SEMA6D: variants seen among roughly 807,000 people sequenced by gnomAD.
SEMA6D encodes semaphorin-6D.
SEMA6D carries 35 observed loss-of-function variants against 106.6 expected under a neutral mutation model. The observed-to-expected ratio is 0.33, with a 90% CI of 0.25 to 0.44. SEMA6D has a LOEUF of 0.44. Ranked by LOEUF, SEMA6D falls within the 20% of genes least tolerant of loss-of-function variation. SEMA6D has a pLI of 1.00. For synonymous variants in SEMA6D, 499 were observed against 487.7 expected, an observed-to-expected ratio of 1.02 and a Z score of -0.31; for missense variants, 1,185 against 1,345.9, an observed-to-expected ratio of 0.88 and a Z score of 1.87.
rs2037268478 is a variant in SEMA6D, at chr15:47,329,716, TA to T, written c.-238-82672del. Among the ~76,000 whole-genome samples, 3 of 152,292 alleles carry T rather than the reference TA, an allele frequency of 2.0e-5. No individual in the cohort carries two copies. In the South Asian group the frequency reaches 6.2e-4, roughly 32 times the overall value. On this transcript the variant is annotated intron_variant, in intron 1 of 19. Coordinates refer to the SEMA6D transcript ENST00000558014. ...CCTCAGATTCCAGTTGGGTGGATGC[TA>T]AAAATGTTGTTTCTTAGCCTCTACC... is the stretch of plus-strand genomic sequence containing the variant.
At chr15:47,671,477 A>G (rs1780563692) in intron 4 of SEMA6D, among the ~76,000 whole-genome samples, 1 of 152,192 alleles carries the variant, frequency 6.6e-6, no homozygotes, top group East Asian at 1.9e-4. Flanking sequence ...TTGTTAGACA[A>G]ACATCAGACA....
intron 1 of SEMA6D, among the ~76,000 whole-genome samples, chr15:47,307,774 T>C (rs539636150): frequency 9.8e-5 from 15 of 152,338 alleles, no homozygotes; most frequent in African/African-American, 3.6e-4. Context: ...TGTCTTTTAG[T>C]TTCCTTGCAA....
At chr15:47,736,655 C>CT (rs1294036167) in intron 1 of SEMA6D, among the ~76,000 whole-genome samples, 1 of 152,178 alleles carries the variant, frequency 6.6e-6, no homozygotes, top group East Asian at 1.9e-4. Flanking sequence ...ACACACAGGA[C>CT]TTTAAGCAGG....
chr15:47,639,867 T>G (rs560388638), intron 4 of SEMA6D, among the ~76,000 whole-genome samples: 1 of 152,310 alleles, frequency 6.6e-6, no homozygotes, highest in South Asian at 2.1e-4. Flanking sequence ...TGAGAAACTG[T>G]CACAGCCAAC....
intron 3 of SEMA6D, among the ~76,000 whole-genome samples, chr15:47,540,865 GAGAGTAC>G (rs1291903404): frequency 6.6e-6 from 1 of 152,110 alleles, no homozygotes; most frequent in Non-Finnish European, 1.5e-5. Flanking sequence ...ATTTCAGACA[GAGAGTAC>G]AATTTTTCTA....
At chr15:47,367,690 GCGCACACACACA>G (rs1351907705) in intron 1 of SEMA6D, among the ~76,000 whole-genome samples, 23 of 43,610 alleles carry the variant, frequency 5.3e-4, no homozygotes, top group South Asian at 2.1e-3. Context: ...GCGCGCGCGC[GCGCACACACACA>G]CACACACACA....
At chr15:47,453,431 C>G (rs1474399798) in intron 2 of SEMA6D, among the ~76,000 whole-genome samples, 3 of 151,926 alleles carry the variant, frequency 2.0e-5, no homozygotes, top group Non-Finnish European at 2.9e-5. Context: ...GAGGTTATGA[C>G]AACAGCTATT....
intron 4 of SEMA6D, among the ~76,000 whole-genome samples, chr15:47,650,591 G>A (rs2077668475): frequency 6.6e-6 from 1 of 152,174 alleles, no homozygotes; most frequent in East Asian, 1.9e-4. Context: ...AGCACAGGAA[G>A]CTTTCATTTC....
At chr15:47,422,086 A>G (rs1413184841) in intron 2 of SEMA6D, among the ~76,000 whole-genome samples, 1 of 106,462 alleles carries the variant, frequency 9.4e-6, no homozygotes, top group Non-Finnish European at 2.0e-5. Flanking sequence ...AAGGGGGTCC[A>G]TTGTTTATTT....
In SEMA6D at chr15:47,410,349, A is replaced by G. The variant is rs112757612; in HGVS notation, c.-238-2044A>G. 8.3e-3 allele frequency among the ~76,000 whole-genome samples: 1,270 copies of G among 152,282 alleles called. 27 individuals are homozygous for G. The highest frequency in any genetic ancestry group is 0.028 in the African/African-American group (1,168 of 41,562). ...TTTGGCTTAATAGCTTCATTTGTGC[A>G]AGAAGCATCAAAACACACTGGAACA... On this transcript the variant is annotated intron_variant, in intron 1 of 19. Transcript: ENST00000558014.
intron 2 of SEMA6D, among the ~76,000 whole-genome samples, chr15:47,447,543 A>G (rs1056066080): frequency 5.9e-5 from 9 of 152,182 alleles, no homozygotes; most frequent in African/African-American, 2.2e-4. Flanking sequence ...GGCACACCCC[A>G]ACTCCACAGG....
chr15:47,375,398 C>T (rs2039415042), intron 1 of SEMA6D, among the ~76,000 whole-genome samples: 1 of 152,134 alleles, frequency 6.6e-6, no homozygotes, highest in African/African-American at 2.4e-5. Flanking sequence ...CCCATTCCAC[C>T]TCCATTTTTC....
chr15:47,511,603 T>A (rs919487624), intron 3 of SEMA6D, among the ~76,000 whole-genome samples: 1 of 152,142 alleles, frequency 6.6e-6, no homozygotes, highest in Non-Finnish European at 1.5e-5. Flanking sequence ...CTGTAATATA[T>A]CCCTTCAGAA....
chr15:47,326,931 C>G (rs745644772), intron 1 of SEMA6D, among the ~76,000 whole-genome samples: 1 of 152,178 alleles, frequency 6.6e-6, no homozygotes, highest in East Asian at 1.9e-4. Context: ...ATACTGTGGA[C>G]ATCTGGAAGT....
At chr15:47,499,276 A>C (rs2043769629) in intron 3 of SEMA6D, among the ~76,000 whole-genome samples, 2 of 152,150 alleles carry the variant, frequency 1.3e-5, no homozygotes, top group Non-Finnish European at 2.9e-5. Context: ...GTCCTCAGAA[A>C]TAGTCTTTCT....
At chr15:47,389,355 A>G (rs281287) in intron 1 of SEMA6D, among the ~76,000 whole-genome samples, 77,059 of 151,904 alleles carry the variant, frequency 0.51, 23,095 homozygotes, top group African/African-American at 0.85. Flanking sequence ...AGCAAAATAC[A>G]TTGTTCTTTG....
At chr15:47,229,009 C>T (rs999073487) in intron 1 of SEMA6D, among the ~76,000 whole-genome samples, 5 of 151,960 alleles carry the variant, frequency 3.3e-5, no homozygotes, top group Non-Finnish European at 7.4e-5. Flanking sequence ...CATGAGAGAT[C>T]GTATAATCCC....
At chr15:47,614,775 G>A (rs1306070464) in intron 4 of SEMA6D, among the ~76,000 whole-genome samples, 2 of 152,132 alleles carry the variant, frequency 1.3e-5, no homozygotes, top group African/African-American at 2.4e-5. Flanking sequence ...ACCCTTCTGG[G>A]CTTGAATTTA....
chr15:47,483,690 T>C lies in SEMA6D; in HGVS notation c.-87+13145T>C, dbSNP rs550901390. ...AATGAGAGAACTATATGAATTTTAGTATTCAGTTACCATGGGGACTATATT... is the reference window on the plus strand; with the variant it reads ...AATGAGAGAACTATATGAATTTTAGCATTCAGTTACCATGGGGACTATATT... On this transcript the variant is annotated intron_variant, in intron 3 of 19. Coordinates refer to the SEMA6D transcript ENST00000558014. Among the ~76,000 whole-genome samples, 20 of 152,294 alleles carry C rather than the reference T, an allele frequency of 1.3e-4. No individual in the cohort carries two copies. In the South Asian group the frequency reaches 4.1e-3, roughly 32 times the overall value.
Sources: gnomAD v4.1 joint callset for allele counts (sites outside exome capture counted in the v4.1 genomes callset) on GRCh38, gnomAD v4.1.1 for gene constraint, MANE v1.5 for transcripts, NCBI Gene and HGNC (gene_info 2026-07-23, HGNC 2026-07-21) for gene names.